NDE1: variants seen among roughly 807,000 people sequenced by gnomAD.
NDE1 encodes the protein nudE neurodevelopment protein 1.
Under a neutral mutation model 43.4 loss-of-function variants are expected in NDE1, and 28 were observed. The observed-to-expected ratio is 0.65, with a 90% confidence interval of 0.48 to 0.89. The LOEUF (loss-of-function observed/expected upper bound fraction) is 0.89. NDE1 is among the 40% of genes least tolerant of loss of function. The probability of loss-of-function intolerance (pLI) is 0.00; values close to 1 mark genes in which losing one functional copy is unlikely to be tolerated. For synonymous variants in NDE1, 184 were observed against 172.0 expected (o/e 1.07, Z -0.55); for missense variants, 441 against 434.1 (o/e 1.02, Z -0.14).
rs566376809 is a variant in NDE1, at chr16:15,660,272, ATT to A, written c.-43-4462_-43-4461del. On this transcript the variant is annotated intron_variant, in intron 1 of 8. Coordinates refer to ENST00000396354, the MANE Select transcript of NDE1 (RefSeq NM_017668.3). ...GCAGGAGGATCGCTTGAGCCCAGGA[ATT>A]TGAGACCAGCCTAGGCAACATAGTA... Among the ~76,000 whole-genome samples, 276 of 151,930 alleles carry A rather than the reference ATT, an allele frequency of 1.8e-3. 1 individual carries two copies. Among genetic ancestry groups the A allele is most frequent in the African/African-American group, 5.9e-3 (246 of 41,446 alleles).
At chr16:15,671,800 C>T (rs1221691774) in intron 3 of NDE1, among the ~76,000 whole-genome samples, 14 of 152,132 alleles carry the variant, frequency 9.2e-5, no homozygotes, top group South Asian at 2.1e-4. Context: ...AAGTGATCCT[C>T]CCACCTCAGC....
chr16:15,700,072 A>C (rs2039174001), intron 8 of NDE1: 2 of 1,171,642 alleles, frequency 1.7e-6, no homozygotes, highest in African/African-American at 3.2e-5. Context: ...GCTCTCTGGG[A>C]AGGGCTCTAA....
intron 8 of NDE1, among the ~76,000 whole-genome samples, chr16:15,708,402 T>C (rs1021611173): frequency 2.6e-5 from 4 of 152,194 alleles, no homozygotes; most frequent in African/African-American, 9.6e-5. Flanking sequence ...GTCATATTCA[T>C]TCAGTGCAGT....
At chr16:15,686,675 G>A in intron 4 of NDE1, 1 of 399,516 alleles carries the variant, frequency 2.5e-6, no homozygotes, top group Non-Finnish European at 3.4e-6. Context: ...AAAAACCTGT[G>A]TCTTAAAAAA....
rs149548495 is a variant in NDE1, at chr16:15,695,274, G to A, written c.795+1018G>A. Reference sequence around the variant, plus strand: ...GTGAATTTTGACACTTTGGGAGACCGAGATGGGTGGATCACCTGAAGTCAG... The same window carrying A: ...GTGAATTTTGACACTTTGGGAGACCAAGATGGGTGGATCACCTGAAGTCAG... On this transcript the variant is annotated intron_variant, in intron 7 of 8. Transcript: ENST00000396354. 3.3e-4 allele frequency among the ~76,000 whole-genome samples: 44 copies of A among 135,098 alleles called. 1 individual carries two copies. The East Asian group carries it at 8.6e-3, about 26-fold the overall frequency. The allele number at this position is 135,098 out of a possible 152,430, so 88.6% of individuals were successfully genotyped here.
chr16:15,714,524 A>G (rs926484048), intron 8 of NDE1: 6 of 363,868 alleles, frequency 1.6e-5, no homozygotes, highest in Non-Finnish European at 2.6e-5. Context: ...GGAGGAGCAG[A>G]GCATGTCAGG....
chr16:15,721,299 C>T, intron 8 of NDE1: 2 of 1,211,860 alleles, frequency 1.7e-6, no homozygotes, highest in Non-Finnish European at 2.4e-6. Flanking sequence ...CAAAAACCTC[C>T]TTCCATTTCC....
rs2038740892 is a variant in NDE1, at chr16:15,691,318, G to A, written c.698G>A (p.Arg233Lys). ...SSSLNTPGSF[R>K]RGLDDSTGGT... ...AGTTTAAACACACCTGGGAGCTTCAGACGTGGTAAGGGGAGTGGGAATTGC... is the reference window on the plus strand; with the variant it reads ...AGTTTAAACACACCTGGGAGCTTCAAACGTGGTAAGGGGAGTGGGAATTGC... Residue 233 changes from arginine (R) to lysine (K), a missense_variant, in exon 6 of 9, where the codon AGA (arginine) becomes AAA (lysine). Arg to Lys is a conservative substitution (Grantham distance 26). Coordinates refer to ENST00000396354, the MANE Select transcript of NDE1 (RefSeq NM_017668.3). 6.2e-7 allele frequency: 1 copy of A among 1,613,990 alleles called. No individual in the cohort carries two copies.
intron 4 of NDE1, 90 bp from the exon 5 acceptor site, chr16:15,687,285 G>A: frequency 5.0e-6 from 8 of 1,606,074 alleles, no homozygotes; most frequent in Non-Finnish European, 6.8e-6. Flanking sequence ...GTGCCCAGGT[G>A]TGTCTGACCC....
At chr16:15,705,984 C>CAAAAAAAAAAAAAAAAAAAAAAAA (rs57451847) in intron 8 of NDE1, among the ~76,000 whole-genome samples, 2 of 56,768 alleles carry the variant, frequency 3.5e-5, no homozygotes, top group Non-Finnish European at 5.5e-5. Context: ...GACTCCGTCT[C>CAAAAAAAAAAAAAAAAAAAAAAAA]AAAAAAAAAA....
chr16:15,713,302 G>A (rs1305973448), intron 8 of NDE1: 1 of 152,162 alleles, frequency 6.6e-6, no homozygotes, highest in East Asian at 1.9e-4. Flanking sequence ...TGATGAGGCA[G>A]TGGGAGCTTG....
intron 8 of NDE1, among the ~76,000 whole-genome samples, chr16:15,715,585 G>A (rs1322927483): frequency 6.6e-6 from 1 of 152,184 alleles, no homozygotes; most frequent in East Asian, 1.9e-4. Context: ...GATTATGGTT[G>A]CCAGGGACTG....
chr16:15,674,567 C>T (rs965672287), intron 3 of NDE1, among the ~76,000 whole-genome samples: 9 of 152,046 alleles, frequency 5.9e-5, no homozygotes, highest in Admixed American at 6.6e-5. Context: ...TTTTTAAACC[C>T]AGAGATTGGA....
intron 8 of NDE1, chr16:15,715,365 C>T: frequency 8.7e-7 from 1 of 1,153,754 alleles, no homozygotes. Context: ...GAGTGCTTTC[C>T]TGAGCCCCGT....
At chr16:15,700,324 C>T (rs1220833764) in intron 8 of NDE1, 1 of 158,390 alleles carries the variant, frequency 6.3e-6, no homozygotes, top group Non-Finnish European at 1.4e-5. Flanking sequence ...GTCTTGAACT[C>T]CTGGCCTCAA....
chr16:15,710,317 T>A (rs1043791756), intron 8 of NDE1, among the ~76,000 whole-genome samples: 31 of 151,824 alleles, frequency 2.0e-4, no homozygotes, highest in Non-Finnish European at 4.4e-4. Context: ...GGTCAGGAGA[T>A]CGAGACCATC....
Position 15,724,211 on chromosome 16 carries a change from G to C in NDE1, c.968G>C (p.Trp323Ser), listed in dbSNP as rs566506678. Residue 323 changes from tryptophan (W) to serine (S), a missense_variant, in exon 9 of 9, where the codon TGG becomes TCG. Physicochemically the swap from Trp to Ser is radical, Grantham distance 177. Transcript: ENST00000396354. ...TCCAGGTTGGACACGAGTTGCCGCT[G>C]GTTGTCCAAATCAACAACCAGGTCG... ...GDKGLDTSCR[W>S]LSKSTTRSSS... 5.0e-6 allele frequency: 8 copies of C among 1,614,120 alleles called. No individual in the cohort carries two copies. In the African/African-American group the frequency reaches 6.7e-5, roughly 13 times the overall value.
chr16:15,687,231 C>A, intron 4 of NDE1, 144 bp from the exon 5 acceptor site: 1 of 1,557,208 alleles, frequency 6.4e-7, no homozygotes, highest in Non-Finnish European at 8.7e-7. Context: ...GGTTAAGGGA[C>A]TTGGCCCACT....
intron 3 of NDE1, among the ~76,000 whole-genome samples, chr16:15,677,538 A>G (rs549428302): frequency 2.0e-5 from 3 of 151,776 alleles, no homozygotes; most frequent in South Asian, 4.2e-4. Flanking sequence ...GTGAGCCAGG[A>G]TCTTGCCGCT....
Sources: gnomAD v4.1 joint callset for allele counts (sites outside exome capture counted in the v4.1 genomes callset) on GRCh38, gnomAD v4.1.1 for gene constraint, MANE v1.5 for transcripts, NCBI Gene and HGNC (gene_info 2026-07-23, HGNC 2026-07-21) for gene names.